Variants in ARHGAP26 observed in about 807,000 individuals in gnomAD.
The protein encoded by ARHGAP26 is Rho GTPase activating protein 26.
Under a neutral mutation model 104.8 loss-of-function variants are expected in ARHGAP26, and 38 were observed. The observed-to-expected ratio is 0.36, with a 90% CI of 0.28 to 0.48. The LOEUF is 0.48. Among genes scored for constraint, ARHGAP26 ranks in the 20% least tolerant of loss-of-function variants. ARHGAP26 has a pLI of 0.99. For synonymous variants in ARHGAP26, 341 were observed against 340.0 expected (o/e 1.00, Z -0.03); for missense variants, 704 against 947.9 (o/e 0.74, Z 3.38).
Position 143,222,950 on chromosome 5 carries a change from G to A in ARHGAP26, c.*504G>A, listed in dbSNP as rs867736244. ...GAGACTTAAAGTGCTACAGGCAGCT[G>A]GATCTGTTTGCATGCAGGATGAAGA... On this transcript the variant is annotated 3_prime_UTR_variant, in exon 23 of 23. Transcript: ENST00000645722. 4.7e-5 allele frequency: 11 copies of A among 233,306 alleles called. No homozygotes were observed. The highest frequency in any genetic ancestry group is 1.3e-3 in the Middle Eastern group (1 of 786). The allele number at this position is 233,306 out of a possible 1,614,324, so 14.5% of individuals were successfully genotyped here. A position where few individuals can be genotyped will look rare whatever the true frequency, so the allele number is the denominator to read the frequency against.
intron 1 of ARHGAP26, among the ~76,000 whole-genome samples, chr5:142,827,938 T>C (rs1356289754): frequency 1.3e-5 from 2 of 152,250 alleles, no homozygotes; most frequent in African/African-American, 4.8e-5. Context: ...CTGTTGTTTA[T>C]GCTGTAGCCC....
chr5:143,012,576 T>TATATATATATATATATACA (rs1554195628), intron 11 of ARHGAP26, among the ~76,000 whole-genome samples: 21 of 57,028 alleles, frequency 3.7e-4, no homozygotes, highest in Non-Finnish European at 9.4e-4. Context: ...TATATATATA[T>TATATATATATATATATACA]TATGATCAGG....
chr5:143,163,344 C>G (rs1177345752), intron 20 of ARHGAP26, among the ~76,000 whole-genome samples: 8 of 152,102 alleles, frequency 5.3e-5, no homozygotes, highest in African/African-American at 1.9e-4. Flanking sequence ...AATAATTTCC[C>G]TAGTTCGTTT....
Position 142,871,244 on chromosome 5 carries a change from C to T in ARHGAP26, c.155-2156C>T, listed in dbSNP as rs764041547. Among the ~76,000 whole-genome samples the T allele has an allele frequency of 6.6e-6, 1 of 152,152 alleles. No homozygotes were observed. The highest frequency in any genetic ancestry group is 1.5e-5 in the Non-Finnish European group (1 of 68,026). On this transcript the variant is annotated intron_variant, in intron 1 of 22. Transcript: ENST00000645722. This position sits in a 1 kb window ranked among gnomAD's most constrained non-coding sequence, Gnocchi z 4.1. ...ACCTGCTGGTCATAAGCTAACAGGC[C>T]CTGCCCTGGTTCAATGGGTGCCCCT...
chr5:142,916,872 G>A (rs1025886632), intron 10 of ARHGAP26, among the ~76,000 whole-genome samples: 2 of 152,070 alleles, frequency 1.3e-5, no homozygotes, highest in East Asian at 1.9e-4. Context: ...CTTGTGTTGT[G>A]TCATCCTCAC....
chr5:143,196,809 A>C (rs1251302167), intron 20 of ARHGAP26, among the ~76,000 whole-genome samples: 1 of 152,222 alleles, frequency 6.6e-6, no homozygotes, highest in Non-Finnish European at 1.5e-5. Flanking sequence ...GTTTGACCTC[A>C]GCTGGGAATG....
chr5:142,887,030 A>G (rs1757808643), intron 5 of ARHGAP26, among the ~76,000 whole-genome samples: 1 of 152,242 alleles, frequency 6.6e-6, no homozygotes, highest in Admixed American at 6.5e-5. Flanking sequence ...ACAGATATTC[A>G]GAGTATTCAG....
At chr5:143,058,098 C>G (rs1786123785) in intron 17 of ARHGAP26, 1 of 474,290 alleles carries the variant, frequency 2.1e-6, no homozygotes, top group Middle Eastern at 3.1e-4. Flanking sequence ...TCATCAAGAA[C>G]AAACAAAAAT....
chr5:142,812,814 G>A (rs188916219), intron 1 of ARHGAP26, among the ~76,000 whole-genome samples: 1 of 152,080 alleles, frequency 6.6e-6, no homozygotes, highest in Non-Finnish European at 1.5e-5. Context: ...TTGGAGTTGA[G>A]GGCATAAGCC....
At chr5:142,949,881 A>G (rs1038062860) in intron 11 of ARHGAP26, among the ~76,000 whole-genome samples, 1 of 152,214 alleles carries the variant, frequency 6.6e-6, no homozygotes, top group Non-Finnish European at 1.5e-5. Context: ...AGCATTTATT[A>G]ATTTGTCAAA....
chr5:143,062,734 C>T (rs1786909916), intron 17 of ARHGAP26, among the ~76,000 whole-genome samples: 1 of 152,060 alleles, frequency 6.6e-6, no homozygotes, highest in South Asian at 2.1e-4. Context: ...CCTTGAAGTT[C>T]TTAAGAAGGG....
At chr5:143,166,753 A>T (rs182907972) in intron 20 of ARHGAP26, among the ~76,000 whole-genome samples, 1 of 152,306 alleles carries the variant, frequency 6.6e-6, no homozygotes, top group East Asian at 1.9e-4. Flanking sequence ...AGCCACAGTG[A>T]ACTGGGTTAC....
In ARHGAP26 at chr5:143,210,698, G is replaced by T. The variant is rs531291269; in HGVS notation, c.2100-3299G>T. Among the ~76,000 whole-genome samples, 3 of 152,348 alleles carry T rather than the reference G, an allele frequency of 2.0e-5. No individual in the cohort carries two copies. The South Asian group carries it at 6.2e-4, about 32-fold the overall frequency. ...CCCCTTTCCACCTGCCAGTCTAGCTGGTCCCACCTCCCTGTAGTGCCATAT... is the reference window on the plus strand; with the variant it reads ...CCCCTTTCCACCTGCCAGTCTAGCTTGTCCCACCTCCCTGTAGTGCCATAT... On this transcript the variant is annotated intron_variant, in intron 21 of 22. Coordinates refer to ENST00000645722, the MANE Select transcript of ARHGAP26 (RefSeq NM_001135608.3).
At chr5:143,102,510 C>T (rs1184043389) in intron 17 of ARHGAP26, among the ~76,000 whole-genome samples, 1 of 152,254 alleles carries the variant, frequency 6.6e-6, no homozygotes, top group African/African-American at 2.4e-5. Context: ...GCTTGAGCAA[C>T]AGTGCTTGGT....
At chr5:142,847,632 T>C (rs767538824) in intron 1 of ARHGAP26, among the ~76,000 whole-genome samples, 15 of 152,310 alleles carry the variant, frequency 9.8e-5, no homozygotes, top group Non-Finnish European at 2.1e-4. Context: ...GCTGGGATTA[T>C]AGGCGTGAGC....
chr5:142,996,426 G>T (rs559862446), intron 11 of ARHGAP26, among the ~76,000 whole-genome samples: 7 of 152,170 alleles, frequency 4.6e-5, no homozygotes, highest in African/African-American at 1.7e-4. Flanking sequence ...CTGGGAGGTG[G>T]AGGTTGCAGT....
chr5:142,996,351 G>T (rs1598545876), intron 11 of ARHGAP26, among the ~76,000 whole-genome samples: 1 of 151,812 alleles, frequency 6.6e-6, no homozygotes, highest in African/African-American at 2.4e-5. Context: ...AAATTAGCTG[G>T]GTTTGGTGGC....
At chr5:143,165,842 G>A (rs191026987) in intron 20 of ARHGAP26, among the ~76,000 whole-genome samples, 7 of 152,248 alleles carry the variant, frequency 4.6e-5, no homozygotes, top group Non-Finnish European at 7.4e-5. Context: ...TGAGTACGAC[G>A]AACAGTTCCT....
intron 17 of ARHGAP26, among the ~76,000 whole-genome samples, chr5:143,105,609 A>G (rs1458566654): frequency 6.6e-6 from 1 of 152,158 alleles, no homozygotes; most frequent in Admixed American, 6.5e-5. Flanking sequence ...ATGTGTGTAC[A>G]GGTATATAAG....
Sources: allele counts gnomAD v4.1 joint callset (sites outside exome capture counted in the v4.1 genomes callset), GRCh38; gene constraint gnomAD v4.1.1; non-coding constraint Gnocchi (gnomAD v3.1); transcripts MANE v1.5; gene names NCBI Gene and HGNC (gene_info 2026-07-23, HGNC 2026-07-21).